Variants in VPS13B observed in about 807,000 individuals in gnomAD.
VPS13B encodes vacuolar protein sorting 13 homolog B.
VPS13B carries 285 observed loss-of-function variants against 426.4 expected under a neutral mutation model. That is an observed-to-expected ratio of 0.67 (90% CI 0.61 to 0.74). The LOEUF (loss-of-function observed/expected upper bound fraction) is 0.74, where lower values mean the gene tolerates loss of function less well. Among genes scored for constraint, VPS13B ranks in the 30% least tolerant of loss-of-function variants. VPS13B has a pLI of 0.00. For missense variants in VPS13B, 4,537 were observed against 4,782.6 expected (o/e 0.95, Z 1.51); for synonymous variants, 1,676 against 1,676.4 (o/e 1.00, Z 0.01).
chr8:99,851,408 G>T (rs1816287951), intron 55 of VPS13B, among the ~76,000 whole-genome samples: 1 of 152,132 alleles, frequency 6.6e-6, no homozygotes, highest in Non-Finnish European at 1.5e-5. Context: ...AACCTAAAAA[G>T]AAAGGAAATG....
chr8:99,291,980 C>A (rs1017147307), intron 19 of VPS13B, among the ~76,000 whole-genome samples: 4 of 152,040 alleles, frequency 2.6e-5, no homozygotes, highest in African/African-American at 9.7e-5. Flanking sequence ...AATTAGGAAT[C>A]ATATTTAAAA....
chr8:99,657,666 T>C (rs1830072472), intron 34 of VPS13B, among the ~76,000 whole-genome samples: 1 of 152,200 alleles, frequency 6.6e-6, no homozygotes, highest in East Asian at 1.9e-4. Flanking sequence ...ATTCATAGTT[T>C]ATTTTATATT....
At chr8:99,330,078 G>A (rs1020127772) in intron 19 of VPS13B, among the ~76,000 whole-genome samples, 1 of 151,862 alleles carries the variant, frequency 6.6e-6, no homozygotes, top group Admixed American at 6.6e-5. Context: ...ACTCATTTGA[G>A]ATGCCTATTT....
rs754310242 is a variant in VPS13B at position 99,766,795 on chromosome 8, T to G, written c.7072T>G (p.Trp2358Gly). The change falls in exon 40 of 62, where the codon TGG (tryptophan) becomes GGG (glycine). Residue 2358 changes from tryptophan (W) to glycine (G), a missense_variant. Trp to Gly is a radical substitution (Grantham distance 184). Around this residue, in one of 2 missense-constraint regions of VPS13B, gnomAD observed 4,311 missense variants for 4,474.3 expected, o/e 0.96. Coordinates refer to ENST00000357162, the MANE Select transcript of VPS13B (RefSeq NM_152564.5). The stretch of plus-strand genomic sequence containing the variant: ...ATAGGTTCCTTGTAGCTTGGAATAC[T>G]GGGATGAACTCCAGAAGGTTTTTGT... ...VLQVPCSLEYWDELQKVFVAF... is the reference protein window; with the variant it reads ...VLQVPCSLEYGDELQKVFVAF... The G allele has an allele frequency of 6.2e-7, 1 of 1,613,886 alleles. No individual in the cohort carries two copies. Among genetic ancestry groups the G allele is most frequent in the Non-Finnish European group, 8.5e-7 (1 of 1,179,936 alleles).
chr8:99,512,774 C>T (rs1821858435), intron 29 of VPS13B, among the ~76,000 whole-genome samples: 2 of 152,058 alleles, frequency 1.3e-5, no homozygotes, highest in Admixed American at 6.6e-5. Flanking sequence ...CTTTGGGAGG[C>T]CGAGTCGGGC....
In VPS13B at chr8:99,507,855, G is replaced by C. The variant is rs1216652778; in HGVS notation, c.4224+652G>C. On this transcript the variant is annotated intron_variant, in intron 28 of 61. Transcript: ENST00000357162. Reference sequence around the variant, plus strand: ...CAAGCTGAACAGACGCACCTTGTTGGTTCGACCCATCAGCAAGCAGGACCC... The same window carrying C: ...CAAGCTGAACAGACGCACCTTGTTGCTTCGACCCATCAGCAAGCAGGACCC... The C allele has an allele frequency of 2.5e-6, 4 of 1,613,932 alleles. No individual in the cohort carries two copies. The highest frequency in any genetic ancestry group is 3.4e-6 in the Non-Finnish European group (4 of 1,179,980).
At chr8:99,215,700 T>TC (rs1815353350) in intron 17 of VPS13B, among the ~76,000 whole-genome samples, 2 of 152,276 alleles carry the variant, frequency 1.3e-5, no homozygotes, top group Non-Finnish European at 1.5e-5. Flanking sequence ...GCCCATTCAG[T>TC]GCCCAAGGTT....
intron 30 of VPS13B, among the ~76,000 whole-genome samples, chr8:99,537,589 T>G (rs1368056706): frequency 6.6e-6 from 1 of 152,220 alleles, no homozygotes; most frequent in Non-Finnish European, 1.5e-5. Flanking sequence ...TAAACAGAAG[T>G]TGCCCTCCTC....
At chr8:99,213,870 C>G (rs898496076) in intron 17 of VPS13B, among the ~76,000 whole-genome samples, 1 of 151,124 alleles carries the variant, frequency 6.6e-6, no homozygotes, top group African/African-American at 2.4e-5. Flanking sequence ...TATCCTAGCC[C>G]GTCAGAGGCT....
chr8:99,618,118 G>C (rs1389311058), intron 33 of VPS13B, among the ~76,000 whole-genome samples: 2 of 152,042 alleles, frequency 1.3e-5, no homozygotes, highest in African/African-American at 4.8e-5. Context: ...GGAAGGGTGA[G>C]AGAAAAAGGG....
intron 19 of VPS13B, among the ~76,000 whole-genome samples, chr8:99,365,516 CTTTTTTTTTT>C (rs1554754985): frequency 9.8e-6 from 1 of 102,392 alleles, no homozygotes; most frequent in Non-Finnish European, 1.8e-5. Context: ...TCTTCTTCTT[CTTTTTTTTTT>C]TTTTTTTTGA....
chr8:99,072,863 C>G (rs902019561), intron 3 of VPS13B, among the ~76,000 whole-genome samples: 9 of 152,028 alleles, frequency 5.9e-5, no homozygotes, highest in African/African-American at 1.9e-4. Flanking sequence ...TGTCCTTTCC[C>G]CAGTGTGTGT....
At chr8:99,262,769 C>CTGTTGT (rs373225716) in intron 17 of VPS13B, among the ~76,000 whole-genome samples, 9,444 of 149,968 alleles carry the variant, frequency 0.063, 453 homozygotes, top group African/African-American at 0.14. Flanking sequence ...TTTGGATGGT[C>CTGTTGT]TGTTGTTGTT....
chr8:99,701,712 A>C (rs1832289544), intron 36 of VPS13B, among the ~76,000 whole-genome samples: 1 of 152,184 alleles, frequency 6.6e-6, no homozygotes, highest in Non-Finnish European at 1.5e-5. Context: ...TTTTAAAATA[A>C]TTATTTGCAT....
At position 99,877,371 on chromosome 8, in the gene VPS13B, T is replaced by C. The variant is rs565642518; in HGVS notation, c.*1705T>C. ...AATCCTTGTATCTTTTATGGTAATT[T>C]TGCATATTGATATGAATTATATAAA... On this transcript the variant is annotated 3_prime_UTR_variant, in exon 62 of 62. Transcript: ENST00000357162. 2.6e-5 allele frequency: 4 copies of C among 152,770 alleles called. No individual in the cohort carries two copies. In the South Asian group the frequency reaches 6.2e-4, roughly 24 times the overall value. The allele number at this position is 152,770 out of a possible 1,614,324, so 9.5% of individuals were successfully genotyped here.
chr8:99,766,833 A>G lies in VPS13B; in HGVS notation c.7110A>G (p.Glu2370=), dbSNP rs997885077. The G allele has an allele frequency of 2.5e-6, 4 of 1,613,930 alleles. No homozygotes were observed. The African/African-American group carries it at 4.0e-5, about 16-fold the overall frequency. Residue 2370 remains glutamate, a synonymous_variant, in exon 40 of 62, where the codon GAA becomes GAG. Transcript: ENST00000357162. ...ELQKVFVAFR[E]FNLSESKVCE... ...AGAAGGTTTTTGTTGCATTTAGAGA[A>G]TTTAATCTGTCTGAAAGCAAAGTTT... is the stretch of plus-strand genomic sequence containing the variant.
At chr8:99,450,574 A>G (rs1441297868) in intron 23 of VPS13B, among the ~76,000 whole-genome samples, 2 of 152,092 alleles carry the variant, frequency 1.3e-5, no homozygotes, top group African/African-American at 4.8e-5. Context: ...TTAGCCGGGC[A>G]TGGTGGCGTG....
intron 3 of VPS13B, among the ~76,000 whole-genome samples, chr8:99,076,985 T>G (rs1845161487): frequency 6.6e-6 from 1 of 152,124 alleles, no homozygotes; most frequent in Non-Finnish European, 1.5e-5. Context: ...TTTGTAATGT[T>G]TGGTTCCTTT....
intron 19 of VPS13B, chr8:99,341,769 A>C (rs982907564): frequency 3.1e-5 from 12 of 390,978 alleles, no homozygotes; most frequent in Non-Finnish European, 5.2e-5. Context: ...AATCTGGGTC[A>C]AACCCCCAGG....
Sources: allele counts gnomAD v4.1 joint callset (sites outside exome capture counted in the v4.1 genomes callset), GRCh38; gene constraint gnomAD v4.1.1; regional missense constraint gnomAD v4.1.1; transcripts MANE v1.5; gene names NCBI Gene and HGNC (gene_info 2026-07-23, HGNC 2026-07-21).